EPSTI1: variants seen among roughly 807,000 people sequenced by gnomAD.
EPSTI1 encodes the protein epithelial stromal interaction 1, also known as epithelial-stromal interaction protein 1.
A neutral mutation model predicts 49.9 loss-of-function variants in EPSTI1; 66 were observed. That is an observed-to-expected ratio of 1.32 (90% CI 1.08 to 1.62). The LOEUF (loss-of-function observed/expected upper bound fraction) is 1.62, where lower values mean the gene tolerates loss of function less well. Among genes scored for constraint, EPSTI1 ranks in the 40% most tolerant of loss-of-function variants. The pLI is 0.00. For synonymous variants in EPSTI1, 137 were observed against 130.7 expected, an observed-to-expected ratio of 1.05 and a Z score of -0.33; for missense variants, 394 against 365.5, an observed-to-expected ratio of 1.08 and a Z score of -0.64.
At chr13:42,968,192 C>G (rs969646819) in intron 3 of EPSTI1, among the ~76,000 whole-genome samples, 3 of 152,152 alleles carry the variant, frequency 2.0e-5, no homozygotes, top group Admixed American at 6.5e-5. Flanking sequence ...CCCTTCGAGT[C>G]TGGCTCATTT....
At chr13:42,920,785 C>CCT (rs201259311) in intron 7 of EPSTI1, among the ~76,000 whole-genome samples, 1,944 of 152,240 alleles carry the variant, frequency 0.013, 25 homozygotes, top group Non-Finnish European at 0.019. Flanking sequence ...GACCAGTGAG[C>CCT]CTCTGAGTCC....
intron 1 of EPSTI1, among the ~76,000 whole-genome samples, chr13:42,975,885 A>G (rs1886152): frequency 0.62 from 94,501 of 152,044 alleles, 29,461 homozygotes; most frequent in Middle Eastern, 0.83. Context: ...AATATTGTAG[A>G]GACTCACCAT....
chr13:42,930,285 T>C (rs2038318867), intron 6 of EPSTI1, among the ~76,000 whole-genome samples: 1 of 152,226 alleles, frequency 6.6e-6, no homozygotes. Flanking sequence ...TTTAGGTAAG[T>C]AATCATTCGT....
intron 6 of EPSTI1, among the ~76,000 whole-genome samples, chr13:42,943,562 C>A (rs1371238422): frequency 1.3e-5 from 2 of 152,208 alleles, no homozygotes; most frequent in Non-Finnish European, 1.5e-5. Flanking sequence ...AATTTAAACT[C>A]AGGCAGTCTA....
chr13:42,926,621 A>G (rs902243414), intron 6 of EPSTI1, among the ~76,000 whole-genome samples, 192 bp from the exon 7 acceptor site: 3 of 152,226 alleles, frequency 2.0e-5, no homozygotes, highest in African/African-American at 7.2e-5. Context: ...GCATTCTTCA[A>G]GAACAATATT....
intron 7 of EPSTI1, 36 bp downstream of exon 7, chr13:42,926,300 T>C (rs755868659): frequency 8.3e-7 from 1 of 1,197,664 alleles, no homozygotes; most frequent in Non-Finnish European, 1.3e-6. Context: ...CTCTATAAAA[T>C]GTGCCAGGCA....
intron 6 of EPSTI1, among the ~76,000 whole-genome samples, chr13:42,947,301 T>TA (rs1254061513): frequency 6.2e-5 from 3 of 48,244 alleles, no homozygotes; most frequent in African/African-American, 2.8e-4. Context: ...CCCAGACATT[T>TA]CAAAAAAAAA....
At chr13:42,925,197 G>A (rs1368581640) in intron 7 of EPSTI1, among the ~76,000 whole-genome samples, 3 of 152,142 alleles carry the variant, frequency 2.0e-5, no homozygotes, top group Admixed American at 1.3e-4. Context: ...AGAAGCCTTG[G>A]GGGGCCTCTC....
At chr13:42,988,305 G>A (rs953392473) in intron 1 of EPSTI1, among the ~76,000 whole-genome samples, 2 of 152,200 alleles carry the variant, frequency 1.3e-5, no homozygotes, top group African/African-American at 4.8e-5. Flanking sequence ...GTTTGTGTAA[G>A]CTTTTTTCTC....
chr13:42,926,216 G>T (rs189935538), intron 7 of EPSTI1, 120 bp downstream of exon 7: 1 of 723,472 alleles, frequency 1.4e-6, no homozygotes. Context: ...TTCGGATCAG[G>T]TCATCTGTCT....
chr13:42,963,486 G>T, intron 4 of EPSTI1, 148 bp from the exon 5 acceptor site: 1 of 623,646 alleles, frequency 1.6e-6, no homozygotes, highest in Non-Finnish European at 2.8e-6. Context: ...AAGCTACTTA[G>T]ATCACAGAGA....
chr13:42,944,867 C>T (rs2038872872), intron 6 of EPSTI1, among the ~76,000 whole-genome samples: 1 of 152,152 alleles, frequency 6.6e-6, no homozygotes, highest in African/African-American at 2.4e-5. Flanking sequence ...ATAATAGTGA[C>T]CAAAGATCCC....
intron 7 of EPSTI1, among the ~76,000 whole-genome samples, chr13:42,920,778 C>A (rs1443381237): frequency 2.0e-5 from 3 of 152,188 alleles, no homozygotes; most frequent in Non-Finnish European, 2.9e-5. Flanking sequence ...GCATACTGAC[C>A]AGTGAGCCTC....
At position 42,992,087 on chromosome 13, in the gene EPSTI1, G is replaced by C; in HGVS notation, c.79C>G (p.Pro27Ala). The C allele has an allele frequency of 1.2e-6, 2 of 1,612,826 alleles. No individual in the cohort carries two copies. The highest frequency in any genetic ancestry group is 1.7e-6 in the Non-Finnish European group (2 of 1,179,804). The stretch of plus-strand genomic sequence containing the variant: ...CTCAGCTCCCCTTGCCGCCCAGAAG[G>C]GTCCTGGGGATCCCGGGTCGGGCGG... ...ASRPTRDPQD[P>A]SGRQGELSPV... is the part of the protein sequence containing the mutation. The change falls in exon 1 of 11, where the codon CCT becomes GCT. Residue 27 changes from proline to alanine, a missense_variant. By Grantham distance (27) the Pro-to-Ala change is conservative (BLOSUM62 -1). Transcript: ENST00000313624.
intron 5 of EPSTI1, 82 bp downstream of exon 5, chr13:42,963,173 T>G: frequency 8.8e-7 from 1 of 1,130,968 alleles, no homozygotes; most frequent in African/African-American, 1.6e-5. Context: ...GATAAATTTT[T>G]AAAGTTACTA....
At chr13:42,915,437 C>T (rs4942176) in intron 8 of EPSTI1, among the ~76,000 whole-genome samples, 18,702 of 152,198 alleles carry the variant, frequency 0.12, 1,477 homozygotes, top group East Asian at 0.26. Context: ...GGGGCTGAGG[C>T]AGGAGAATCA....
chr13:42,932,197 C>A (rs1314971868), intron 6 of EPSTI1, among the ~76,000 whole-genome samples: 8 of 152,032 alleles, frequency 5.3e-5, no homozygotes. Flanking sequence ...CCTCCCAAAG[C>A]ATTGGGATTA....
chr13:42,988,311 T>C (rs1594767871), intron 1 of EPSTI1, among the ~76,000 whole-genome samples: 5 of 152,250 alleles, frequency 3.3e-5, no homozygotes, highest in Admixed American at 1.3e-4. Context: ...GTAAGCTTTT[T>C]TCTCTTTTAA....
At chr13:42,898,498 AG>A (rs2037260208) in intron 9 of EPSTI1, among the ~76,000 whole-genome samples, 1 of 152,242 alleles carries the variant, frequency 6.6e-6, no homozygotes. Context: ...CTAATTACTG[AG>A]TTTATTATCT....
Sources: allele counts gnomAD v4.1 joint callset (sites outside exome capture counted in the v4.1 genomes callset), GRCh38; gene constraint gnomAD v4.1.1; transcripts MANE v1.5; gene names NCBI Gene and HGNC (gene_info 2026-07-23, HGNC 2026-07-21).